FIGN: variants seen among roughly 807,000 people sequenced by gnomAD.
FIGN encodes fidgetin, microtubule severing factor.
In FIGN, 11 loss-of-function variants were observed where a neutral mutation model predicts 51.3. The ratio of observed to expected loss-of-function variants is 0.21; its 90% CI spans 0.13 to 0.35. The LOEUF (loss-of-function observed/expected upper bound fraction) is 0.35. FIGN is among the 10% of genes least tolerant of loss of function. FIGN has a pLI of 1.00. For missense variants in FIGN, 857 were observed against 943.6 expected (o/e 0.91, Z 1.20); for synonymous variants, 407 against 363.2 (o/e 1.12, Z -1.37).
At chr2:163,650,738 C>T (rs934230671) in intron 2 of FIGN, among the ~76,000 whole-genome samples, 2 of 152,132 alleles carry the variant, frequency 1.3e-5, no homozygotes, top group African/African-American at 4.8e-5. Flanking sequence ...AGCTGAACCA[C>T]CAAACTTATG....
intron 2 of FIGN, among the ~76,000 whole-genome samples, chr2:163,691,867 G>C (rs78822895): frequency 0.025 from 3,793 of 152,202 alleles, 78 homozygotes; most frequent in Middle Eastern, 0.061. Flanking sequence ...AGAACAAAAT[G>C]TTCTGTCCAA....
At chr2:163,682,124 C>T (rs1684075515) in intron 2 of FIGN, among the ~76,000 whole-genome samples, 1 of 152,136 alleles carries the variant, frequency 6.6e-6, no homozygotes, top group Non-Finnish European at 1.5e-5. Flanking sequence ...TTTCCTGTTG[C>T]AATCTTTTGT....
rs753292312 is a variant in FIGN at position 163,611,395 on chromosome 2, G to T, written c.437C>A (p.Ala146Glu). 6.2e-7 allele frequency: 1 copy of T among 1,614,100 alleles called. No individual in the cohort carries two copies. Among genetic ancestry groups the T allele is most frequent in the Non-Finnish European group, 8.5e-7 (1 of 1,180,004 alleles). Residue 146 changes from alanine to glutamate, a missense_variant, in exon 3 of 3, where the codon GCG becomes GAG. This residue lies in a region of FIGN where 799 missense variants were observed against 849.5 expected (regional missense o/e 0.94). Transcript: ENST00000333129. ...SSALPPADVS[A>E]SIGSSPGVAS... ...TACCCCAGGAGAGCTTCCTATACTC[G>T]CAGAGACATCTGCTGGAGGGAGGGC...
chr2:163,644,433 A>G (rs1373764681), intron 2 of FIGN, among the ~76,000 whole-genome samples: 4 of 152,204 alleles, frequency 2.6e-5, no homozygotes, highest in Non-Finnish European at 1.5e-5. Flanking sequence ...AGATAATGAC[A>G]ATTGTTGATG....
chr2:163,649,973 G>C (rs936639327), intron 2 of FIGN, among the ~76,000 whole-genome samples: 1 of 152,282 alleles, frequency 6.6e-6, no homozygotes, highest in Middle Eastern at 3.4e-3. Flanking sequence ...GCCAGGAAGT[G>C]GAAGAGCCAG....
rs1467773231 is a variant in FIGN at position 163,683,391 on chromosome 2, GGT to G, written c.25+51510_25+51511del. ...CAAAGATTGTTGTTCGAAAGTGTCT[GGT>G]AACACCATTTAAGAGGGACTAGAAG... On this transcript the variant is annotated intron_variant, in intron 2 of 2. Coordinates refer to ENST00000333129, the MANE Select transcript of FIGN (RefSeq NM_018086.4). Among the ~76,000 whole-genome samples the G allele has an allele frequency of 2.6e-5, 4 of 152,186 alleles. No homozygotes were observed. In the East Asian group the frequency reaches 7.7e-4, roughly 29 times the overall value.
At chr2:163,624,704 ATATATT>A (rs1683027767) in intron 2 of FIGN, among the ~76,000 whole-genome samples, 2 of 134,166 alleles carry the variant, frequency 1.5e-5, no homozygotes, top group Admixed American at 1.5e-4. Flanking sequence ...ATATATATAT[ATATATT>A]TTTTTTTTTC....
chr2:163,705,148 G>C (rs1237642354), intron 2 of FIGN, among the ~76,000 whole-genome samples: 2 of 152,100 alleles, frequency 1.3e-5, no homozygotes, highest in Non-Finnish European at 2.9e-5. Context: ...TACGTGTAAA[G>C]AAACATGTGT....
rs146316403 is a variant in FIGN at position 163,679,338 on chromosome 2, T to C, written c.25+55565A>G. Among the ~76,000 whole-genome samples, 1,398 of 151,916 alleles carry C rather than the reference T, an allele frequency of 9.2e-3. 25 individuals carry two copies. Among genetic ancestry groups the C allele is most frequent in the African/African-American group, 0.032 (1,335 of 41,432 alleles). On this transcript the variant is annotated intron_variant, in intron 2 of 2. Transcript: ENST00000333129. The stretch of plus-strand genomic sequence containing the variant: ...GAAACCCCGTCTCTGCTAAAAAAAA[T>C]ACAAAAAATTAGCCAGGCATGGTGG...
At chr2:163,645,776 C>T (rs1413179985) in intron 2 of FIGN, among the ~76,000 whole-genome samples, 3 of 152,132 alleles carry the variant, frequency 2.0e-5, no homozygotes, top group African/African-American at 7.2e-5. Flanking sequence ...CTGAGTCATA[C>T]CGAAAAGGCA....
At chr2:163,636,646 G>T (rs1026510109) in intron 2 of FIGN, among the ~76,000 whole-genome samples, 1 of 152,108 alleles carries the variant, frequency 6.6e-6, no homozygotes, top group African/African-American at 2.4e-5. Context: ...CTTGCTTTTG[G>T]TAAGTATTTG....
intron 2 of FIGN, among the ~76,000 whole-genome samples, chr2:163,707,383 C>G (rs1684518009): frequency 6.6e-6 from 1 of 151,830 alleles, no homozygotes; most frequent in African/African-American, 2.4e-5. Context: ...AGAAAAAACA[C>G]TCCTCAATAG....
intron 2 of FIGN, among the ~76,000 whole-genome samples, chr2:163,697,502 G>A (rs561491000): frequency 6.4e-4 from 97 of 152,218 alleles, no homozygotes; most frequent in Non-Finnish European, 1.2e-3. Context: ...TTAAATGAGG[G>A]TGAAGGAAGG....
At chr2:163,734,115 CTT>C (rs111966025) in intron 2 of FIGN, among the ~76,000 whole-genome samples, 1 of 145,662 alleles carries the variant, frequency 6.9e-6, no homozygotes. Context: ...ATTTAACTGA[CTT>C]TTTTTTTTTG....
Position 163,614,922 on chromosome 2 carries a change from A to G in FIGN, c.26-3116T>C, listed in dbSNP as rs143405896. On this transcript the variant is annotated intron_variant, in intron 2 of 2. Transcript: ENST00000333129. Reference sequence around the variant, plus strand: ...TACAAGAGATGAAAAAATGATTTTAATAAGTTATAATCACTGTAAAAGACA... The same window carrying G: ...TACAAGAGATGAAAAAATGATTTTAGTAAGTTATAATCACTGTAAAAGACA... Among the ~76,000 whole-genome samples, 221 of 152,266 alleles carry G rather than the reference A, an allele frequency of 1.5e-3. 1 individual carries two copies. Among genetic ancestry groups the G allele is most frequent in the African/African-American group, 4.9e-3 (205 of 41,566 alleles).
intron 2 of FIGN, among the ~76,000 whole-genome samples, chr2:163,723,697 A>T (rs1244989544): frequency 6.6e-6 from 1 of 152,178 alleles, no homozygotes; most frequent in African/African-American, 2.4e-5. Context: ...TTTCATACTA[A>T]ATATTTTAAG....
At position 163,650,695 on chromosome 2, in the gene FIGN, T is replaced by C. The variant is rs141492354; in HGVS notation, c.26-38889A>G. On this transcript the variant is annotated intron_variant, in intron 2 of 2. Coordinates refer to ENST00000333129, the MANE Select transcript of FIGN (RefSeq NM_018086.4). ...GTATTTTTTGTTTCTCCCTTGCTGT[T>C]AGGCTGTGTCCTATCTCTAAGGAGG... Among the ~76,000 whole-genome samples, 281 of 152,288 alleles carry C rather than the reference T, an allele frequency of 1.8e-3. 3 individuals are homozygous for C. The highest frequency in any genetic ancestry group is 6.3e-3 in the African/African-American group (261 of 41,560).
At chr2:163,681,289 G>T (rs1662849995) in intron 2 of FIGN, among the ~76,000 whole-genome samples, 1 of 152,184 alleles carries the variant, frequency 6.6e-6, no homozygotes, top group Admixed American at 6.5e-5. Context: ...CTTGCTTAAT[G>T]CATAGGCTGG....
At chr2:163,662,302 G>A (rs140428323) in intron 2 of FIGN, among the ~76,000 whole-genome samples, 162 of 152,262 alleles carry the variant, frequency 1.1e-3, no homozygotes, top group African/African-American at 3.7e-3. Context: ...ATGATTTACC[G>A]TATCTGGTGG....
Sources: gnomAD v4.1 joint callset for allele counts (sites outside exome capture counted in the v4.1 genomes callset) on GRCh38, gnomAD v4.1.1 for gene constraint, gnomAD v4.1.1 regional missense constraint, MANE v1.5 for transcripts, NCBI Gene and HGNC (gene_info 2026-07-23, HGNC 2026-07-21) for gene names.